The following ADAMTS2 variants were observed in gnomAD, a reference collection of about 807,000 sequenced individuals.
The protein encoded by ADAMTS2 is A disintegrin and metalloproteinase with thrombospondin motifs 2.
Under a neutral mutation model 123.0 loss-of-function variants are expected in ADAMTS2, and 50 were observed. The ratio of observed to expected loss-of-function variants is 0.41; its 90% CI spans 0.32 to 0.51. The LOEUF (loss-of-function observed/expected upper bound fraction) is 0.51, where lower values mean the gene tolerates loss of function less well. Among genes scored for constraint, ADAMTS2 ranks in the 20% least tolerant of loss-of-function variants. ADAMTS2 has a pLI of 0.35. For synonymous variants in ADAMTS2, 678 were observed against 695.4 expected (o/e 0.98, Z 0.39); for missense variants, 1,494 against 1,705.2 (o/e 0.88, Z 2.18).
At chr5:179,138,853 C>T (rs1763110958) in intron 11 of ADAMTS2, among the ~76,000 whole-genome samples, 1 of 152,224 alleles carries the variant, frequency 6.6e-6, no homozygotes, top group South Asian at 2.1e-4. Flanking sequence ...CCCGAGTGAA[C>T]AGGACCCAGG....
At chr5:179,198,312 G>T (rs543718932) in intron 4 of ADAMTS2, among the ~76,000 whole-genome samples, 1 of 152,230 alleles carries the variant, frequency 6.6e-6, no homozygotes. Flanking sequence ...TGACGGGGCT[G>T]GGGGGCCAGC....
At position 179,312,450 on chromosome 5, in the gene ADAMTS2, T is replaced by C. The variant is rs1756859817; in HGVS notation, c.534+31317A>G. Among the ~76,000 whole-genome samples, 1 of 152,170 alleles carries C rather than the reference T, an allele frequency of 6.6e-6. No individual in the cohort carries two copies. Among genetic ancestry groups the C allele is most frequent in the Non-Finnish European group, 1.5e-5 (1 of 68,032 alleles). On this transcript the variant is annotated intron_variant, in intron 2 of 21. Coordinates refer to ENST00000251582, the MANE Select transcript of ADAMTS2 (RefSeq NM_014244.5). This position sits in a 1 kb window ranked among gnomAD's most constrained non-coding sequence, Gnocchi z 4.2. ...TTCAGCATGTGAGGATGCAACAAGA[T>C]GCCTTCTTGAACCAGGGAGCAGACC...
At chr5:179,325,490 C>A (rs1007793513) in intron 2 of ADAMTS2, among the ~76,000 whole-genome samples, 1 of 152,236 alleles carries the variant, frequency 6.6e-6, no homozygotes, top group African/African-American at 2.4e-5. Flanking sequence ...CCGACCCACT[C>A]CCAGAGGGTC....
At chr5:179,269,449 A>G (rs987658068) in intron 3 of ADAMTS2, among the ~76,000 whole-genome samples, 10 of 152,168 alleles carry the variant, frequency 6.6e-5, no homozygotes, top group Admixed American at 2.6e-4. Context: ...CTCACATGGC[A>G]GCAGCCGAGA....
At chr5:179,276,706 C>T (rs946954278) in intron 2 of ADAMTS2, among the ~76,000 whole-genome samples, 4 of 152,200 alleles carry the variant, frequency 2.6e-5, no homozygotes, top group African/African-American at 4.8e-5. Flanking sequence ...CACACCTACA[C>T]GGAAAGGGCA....
At position 179,196,367 on chromosome 5, in the gene ADAMTS2, G is replaced by A. The variant is rs977093839; in HGVS notation, c.891+11146C>T. 3.3e-5 allele frequency among the ~76,000 whole-genome samples: 5 copies of A among 152,182 alleles called. No individual in the cohort carries two copies. The South Asian group carries it at 1.0e-3, about 32-fold the overall frequency. Reference sequence around the variant, plus strand: ...ATCCTTGGATTCCACGTTCTCCATAGGCCTAGGAGCGTGTCTGCCCTCAGC... The same window carrying A: ...ATCCTTGGATTCCACGTTCTCCATAAGCCTAGGAGCGTGTCTGCCCTCAGC... On this transcript the variant is annotated intron_variant, in intron 4 of 21. Transcript: ENST00000251582.
At chr5:179,140,948 C>T (rs1763155759) in intron 10 of ADAMTS2, among the ~76,000 whole-genome samples, 1 of 151,266 alleles carries the variant, frequency 6.6e-6, no homozygotes, top group South Asian at 2.1e-4. Context: ...TACAGGTGTC[C>T]ACCACCACCC....
At position 179,130,249 on chromosome 5, in the gene ADAMTS2, C is replaced by T. The variant is rs1027866442; in HGVS notation, c.2291-151G>A. 4.5e-5 allele frequency: 43 copies of T among 947,240 alleles called. No individual in the cohort carries two copies. Among genetic ancestry groups the T allele is most frequent in the Non-Finnish European group, 6.3e-5 (38 of 607,714 alleles). 58.7% of individuals were successfully genotyped at this position (947,240 alleles called of 1,614,324 possible). A position where few individuals can be genotyped will look rare whatever the true frequency, so the allele number is the denominator to read the frequency against. ...CCAGTTTCCTCTGTGCCACGACAGC[C>T]CAGATGGCTCTGGGAGCCCTGCTTG... is the stretch of plus-strand genomic sequence containing the variant. On this transcript the variant is annotated intron_variant, in intron 15 of 21. Transcript: ENST00000251582. The surrounding 1 kb of genome is among the most constrained non-coding windows in gnomAD (Gnocchi z 4.3).
At chr5:179,218,876 C>G (rs1483315148) in intron 3 of ADAMTS2, among the ~76,000 whole-genome samples, 1 of 152,206 alleles carries the variant, frequency 6.6e-6, no homozygotes, top group African/African-American at 2.4e-5. Flanking sequence ...TACCCCCGCA[C>G]AGCAGAGGAC....
chr5:179,118,829 T>C lies in ADAMTS2; in HGVS notation c.3178+2832A>G, dbSNP rs1478204035. On this transcript the variant is annotated intron_variant, in intron 21 of 21. Transcript: ENST00000251582. This position sits in a 1 kb window ranked among gnomAD's most constrained non-coding sequence, Gnocchi z 4.5. ...AAGCTGGTAGCAAGTGAGGCTTTCT[T>C]CCTGAGGTCACCATAAAGCATAAAG... Among the ~76,000 whole-genome samples, 1 of 152,178 alleles carries C rather than the reference T, an allele frequency of 6.6e-6. No homozygotes were observed. Among genetic ancestry groups the C allele is most frequent in the African/African-American group, 2.4e-5 (1 of 41,436 alleles).
At chr5:179,217,572 T>C (rs183247465) in intron 3 of ADAMTS2, among the ~76,000 whole-genome samples, 10 of 152,236 alleles carry the variant, frequency 6.6e-5, no homozygotes, top group African/African-American at 1.2e-4. Context: ...GTCATGGAAG[T>C]GCTAGAAGAA....
rs1762816623 is a variant in ADAMTS2 at position 179,124,456 on chromosome 5, C to T, written c.2958+517G>A. 3.3e-5 allele frequency among the ~76,000 whole-genome samples: 5 copies of T among 152,302 alleles called. No individual in the cohort carries two copies. In the South Asian group the frequency reaches 1.0e-3, roughly 32 times the overall value. ...CCACCTCTGCATGAGACCCAGGCGT[C>T]CCCTAGGATCCTGGAGCCCCGAACA... On this transcript the variant is annotated intron_variant, in intron 19 of 21. Transcript: ENST00000251582.
At chr5:179,268,815 C>T (rs1311985387) in intron 3 of ADAMTS2, among the ~76,000 whole-genome samples, 3 of 152,200 alleles carry the variant, frequency 2.0e-5, no homozygotes, top group Non-Finnish European at 2.9e-5. Flanking sequence ...TGCTCCTCCG[C>T]GTGACCCAGA....
intron 2 of ADAMTS2, among the ~76,000 whole-genome samples, chr5:179,337,307 C>T (rs142915401): frequency 6.0e-4 from 92 of 152,208 alleles, no homozygotes; most frequent in African/African-American, 2.0e-3. Context: ...AAACCCCTCC[C>T]GAGAAATACA....
intron 18 of ADAMTS2, 26 bp from the exon 19 acceptor site, chr5:179,125,206 C>T: frequency 6.2e-7 from 1 of 1,606,256 alleles, no homozygotes; most frequent in South Asian, 1.1e-5. Flanking sequence ...GGGGCACAGT[C>T]AGGCTTCCGC....
In ADAMTS2 at chr5:179,155,643, A is replaced by C. The variant is rs1260057506; in HGVS notation, c.1133-724T>G. Among the ~76,000 whole-genome samples the C allele has an allele frequency of 6.6e-6, 1 of 152,198 alleles. No homozygotes were observed. Among genetic ancestry groups the C allele is most frequent in the Non-Finnish European group, 1.5e-5 (1 of 68,034 alleles). ...TTCATGACGCAGAGACCCCACGTCA[A>C]ACTGAGGAAGATGGATAATGAGACC... On this transcript the variant is annotated intron_variant, in intron 6 of 21. Transcript: ENST00000251582. This position sits in a 1 kb window ranked among gnomAD's most constrained non-coding sequence, Gnocchi z 5.1.
intron 13 of ADAMTS2, among the ~76,000 whole-genome samples, chr5:179,133,173 G>A (rs186811138): frequency 4.1e-4 from 62 of 152,286 alleles, no homozygotes; most frequent in African/African-American, 1.1e-3. Context: ...CCCTGTGCAC[G>A]CGGCTGGTCT....
intron 20 of ADAMTS2, among the ~76,000 whole-genome samples, chr5:179,122,419 T>C (rs1393935509): frequency 1.3e-5 from 2 of 152,150 alleles, no homozygotes; most frequent in Admixed American, 1.3e-4. Flanking sequence ...GAGTCTGCAG[T>C]GCCCTGAAAG....
At chr5:179,211,704 G>A (rs1764853091) in intron 3 of ADAMTS2, among the ~76,000 whole-genome samples, 1 of 152,236 alleles carries the variant, frequency 6.6e-6, no homozygotes, top group Admixed American at 6.5e-5. Context: ...AATTCCATCA[G>A]GGGAACGGGT....
Sources: gnomAD v4.1 joint callset for allele counts (sites outside exome capture counted in the v4.1 genomes callset) on GRCh38, gnomAD v4.1.1 for gene constraint, Gnocchi (gnomAD v3.1) non-coding constraint, MANE v1.5 for transcripts, NCBI Gene and HGNC (gene_info 2026-07-23, HGNC 2026-07-21) for gene names.